Variants in SAMD12 observed in about 807,000 individuals in gnomAD.
SAMD12 encodes the protein sterile alpha motif domain-containing protein 12.
SAMD12 carries 9 observed loss-of-function variants against 15.0 expected under a neutral mutation model. The ratio of observed to expected loss-of-function variants is 0.60; its 90% CI spans 0.36 to 1.05. The LOEUF (loss-of-function observed/expected upper bound fraction) is 1.05, where lower values mean the gene tolerates loss of function less well. Among genes scored for constraint, SAMD12 ranks in the 50% least tolerant of loss-of-function variants. The pLI is 0.01. For missense variants in SAMD12, 230 were observed against 234.2 expected, an observed-to-expected ratio of 0.98 and a Z score of 0.12; for synonymous variants, 86 against 90.1, an observed-to-expected ratio of 0.96 and a Z score of 0.25.
intron 3 of SAMD12, among the ~76,000 whole-genome samples, chr8:118,418,219 T>A (rs1451957877): frequency 6.6e-6 from 1 of 152,210 alleles, no homozygotes; most frequent in Non-Finnish European, 1.5e-5. Context: ...TCGATTACCT[T>A]CCGAGCCTGG....
intron 2 of SAMD12, among the ~76,000 whole-genome samples, chr8:118,459,346 G>C (rs886646955): frequency 6.6e-6 from 1 of 152,162 alleles, no homozygotes; most frequent in South Asian, 2.1e-4. Context: ...GATTACAGAT[G>C]TGAGCCACCA....
Position 118,460,667 on chromosome 8 carries a change from G to A in SAMD12, c.193-20706C>T, listed in dbSNP as rs146667786. 2.7e-3 allele frequency among the ~76,000 whole-genome samples: 411 copies of A among 152,208 alleles called. 2 individuals carry two copies. Among genetic ancestry groups the A allele is most frequent in the African/African-American group, 9.5e-3 (394 of 41,520 alleles). ...TGGAGAGAGTTGGAAGATGGTGAGAGGGGAACATTACTGGAGGGAGAAGTG... is the reference window on the plus strand; with the variant it reads ...TGGAGAGAGTTGGAAGATGGTGAGAAGGGAACATTACTGGAGGGAGAAGTG... On this transcript the variant is annotated intron_variant, in intron 2 of 3. Transcript: ENST00000314727.
At chr8:118,457,021 G>A (rs1055229282) in intron 2 of SAMD12, among the ~76,000 whole-genome samples, 2 of 152,084 alleles carry the variant, frequency 1.3e-5, no homozygotes, top group African/African-American at 2.4e-5. Flanking sequence ...TCAAGATAAA[G>A]GGGATAAATA....
At chr8:118,510,861 G>A (rs1040808862) in intron 2 of SAMD12, among the ~76,000 whole-genome samples, 26 of 152,188 alleles carry the variant, frequency 1.7e-4, no homozygotes, top group African/African-American at 6.3e-4. Context: ...ATTAAGTAGC[G>A]AGAATGCATT....
At chr8:118,602,385 C>T (rs1167000519) in intron 1 of SAMD12, among the ~76,000 whole-genome samples, 1 of 152,096 alleles carries the variant, frequency 6.6e-6, no homozygotes, top group Non-Finnish European at 1.5e-5. Context: ...CTACTGTGCA[C>T]CAGACATTCT....
chr8:118,496,138 A>C (rs1824601685), intron 2 of SAMD12, among the ~76,000 whole-genome samples: 1 of 152,242 alleles, frequency 6.6e-6, no homozygotes, highest in Admixed American at 6.5e-5. Flanking sequence ...CATACTGCCC[A>C]AGGCAATTTA....
At chr8:118,191,795 TATATATATATATATATAGAG>T (rs1406052342) in exon 5 of SAMD12, 81 of 49,668 alleles carry the variant, frequency 1.6e-3, no homozygotes, top group Non-Finnish European at 2.3e-3. Context: ...TATATATATA[TATATATATATATATATAGAG>T]AGAGAGAGAG....
intron 4 of SAMD12, among the ~76,000 whole-genome samples, chr8:118,226,486 A>G (rs1812190805): frequency 1.3e-5 from 2 of 152,180 alleles, no homozygotes; most frequent in African/African-American, 2.4e-5. Context: ...GGCTTCTCGT[A>G]TATTTCTTTA....
At chr8:118,148,238 G>A in the SAMD12 span, among the ~76,000 whole-genome samples, 1 of 151,936 alleles carries the variant, frequency 6.6e-6, no homozygotes, top group East Asian at 1.9e-4. Flanking sequence ...ATAAGCCACT[G>A]TGCCTGGTTG....
At chr8:118,579,457 G>A (rs942418447) in intron 2 of SAMD12, among the ~76,000 whole-genome samples, 6 of 152,186 alleles carry the variant, frequency 3.9e-5, no homozygotes, top group Admixed American at 2.0e-4. Context: ...AATGTCTAGC[G>A]TAAAATGCCT....
chr8:118,291,001 G>A (rs1054870093), intron 4 of SAMD12, among the ~76,000 whole-genome samples: 3 of 152,096 alleles, frequency 2.0e-5, no homozygotes, highest in Non-Finnish European at 4.4e-5. Flanking sequence ...CCTGCTCCTC[G>A]CTTCACTGGC....
chr8:118,225,804 A>G (rs1415350533), intron 4 of SAMD12, among the ~76,000 whole-genome samples: 1 of 152,204 alleles, frequency 6.6e-6, no homozygotes, highest in South Asian at 2.1e-4. Context: ...TACTCAGCAT[A>G]TGACCTTGAA....
chr8:118,575,771 T>C (rs531456913), intron 2 of SAMD12, among the ~76,000 whole-genome samples: 1 of 152,270 alleles, frequency 6.6e-6, no homozygotes, highest in Admixed American at 6.5e-5. Context: ...AAGGTGAAGT[T>C]TCCTCATAAA....
intron 3 of SAMD12, among the ~76,000 whole-genome samples, chr8:118,425,999 A>G (rs1426194614): frequency 6.6e-6 from 1 of 152,156 alleles, no homozygotes. Flanking sequence ...GTTTCTGTTT[A>G]TTCATGTGAA....
chr8:118,445,753 T>A (rs1198647665), intron 2 of SAMD12, among the ~76,000 whole-genome samples: 1 of 152,190 alleles, frequency 6.6e-6, no homozygotes, highest in Non-Finnish European at 1.5e-5. Flanking sequence ...TTCTTACTTT[T>A]CAAATTTTGA....
downstream of SAMD12, among the ~76,000 whole-genome samples, chr8:118,373,882 A>AT (rs1427445293): frequency 6.6e-6 from 1 of 152,202 alleles, no homozygotes; most frequent in African/African-American, 2.4e-5. Flanking sequence ...ACACTACAGC[A>AT]TGAGAAAATA....
At chr8:118,341,923 C>T (rs1817385131) in intron 4 of SAMD12, among the ~76,000 whole-genome samples, 1 of 152,196 alleles carries the variant, frequency 6.6e-6, no homozygotes, top group Non-Finnish European at 1.5e-5. Context: ...GGCAGACATG[C>T]GTATTCACAG....
At chr8:118,534,481 T>C (rs1316196400) in intron 2 of SAMD12, among the ~76,000 whole-genome samples, 1 of 152,208 alleles carries the variant, frequency 6.6e-6, no homozygotes, top group Non-Finnish European at 1.5e-5. Flanking sequence ...TGAATTTGAA[T>C]GTTGGCCTGC....
At chr8:118,149,100 G>GT in the SAMD12 span, among the ~76,000 whole-genome samples, 4 of 152,152 alleles carry the variant, frequency 2.6e-5, no homozygotes, top group South Asian at 2.1e-4. Flanking sequence ...TAACTTTTTT[G>GT]TTTTTTTGAG....
Sources: gnomAD v4.1 joint callset for allele counts (sites outside exome capture counted in the v4.1 genomes callset) on GRCh38, gnomAD v4.1.1 for gene constraint, MANE v1.5 for transcripts, NCBI Gene and HGNC (gene_info 2026-07-23, HGNC 2026-07-21) for gene names.